The following ORC5 variants were observed in gnomAD, a reference collection of about 807,000 sequenced individuals.
ORC5 encodes protein phosphatase 1, regulatory subunit 117.
ORC5 carries 39 observed loss-of-function variants against 58.8 expected under a neutral mutation model. The observed-to-expected ratio is 0.66, with a 90% CI of 0.51 to 0.87. ORC5 has a LOEUF of 0.87. ORC5 is among the 40% of genes least tolerant of loss of function. ORC5 has a pLI of 0.00. For synonymous variants in ORC5, 218 were observed against 177.6 expected (o/e 1.23, Z -1.81); for missense variants, 493 against 506.3 (o/e 0.97, Z 0.25).
At chr7:104,206,764 A>C (rs1008762595) in intron 1 of ORC5, among the ~76,000 whole-genome samples, 2 of 152,230 alleles carry the variant, frequency 1.3e-5, no homozygotes, top group Non-Finnish European at 2.9e-5. Context: ...TAAGATTATA[A>C]TACCCTATTT....
chr7:104,166,447 C>T (rs1393605083), intron 10 of ORC5, among the ~76,000 whole-genome samples: 1 of 152,220 alleles, frequency 6.6e-6, no homozygotes, highest in Non-Finnish European at 1.5e-5. Context: ...GATAATTATT[C>T]ACTACAGTGA....
In ORC5 at chr7:104,161,092, T is replaced by C; in HGVS notation, c.1129A>G (p.Thr377Ala). 2 of 1,585,788 alleles carry C rather than the reference T, an allele frequency of 1.3e-6. No individual in the cohort carries two copies. The highest frequency in any genetic ancestry group is 8.7e-7 in the Non-Finnish European group (1 of 1,154,812). Residue 377 changes from threonine to alanine, a missense_variant, in exon 12 of 14, where the codon ACA becomes GCA. Thr to Ala is a moderately conservative substitution (Grantham distance 58). Coordinates refer to ENST00000297431, the MANE Select transcript of ORC5 (RefSeq NM_002553.4). ...CTTACCTGGGAAAAAATATTTGCTG[T>C]TGGAGCAACTCTGCTGTCCACGATA... ...YSIVDSRVAPTANIFSQITSL... is the reference protein window; with the variant it reads ...YSIVDSRVAPAANIFSQITSL...
chr7:104,155,695 A>AGCTTTT (rs1798914941), intron 12 of ORC5, among the ~76,000 whole-genome samples: 1 of 151,632 alleles, frequency 6.6e-6, no homozygotes, highest in East Asian at 1.9e-4. Context: ...TCTCTGGGAA[A>AGCTTTT]AAAATAAAGC....
chr7:104,139,912 C>A lies in ORC5; in HGVS notation c.1150-3019G>T, dbSNP rs188033034. ...CAAAACTGAGAGAGGTATTAAAATTCTTTTGTTATCATAGAATCTTTCTGC... is the reference window on the plus strand; with the variant it reads ...CAAAACTGAGAGAGGTATTAAAATTATTTTGTTATCATAGAATCTTTCTGC... On this transcript the variant is annotated intron_variant, in intron 12 of 13. Coordinates refer to ENST00000297431, the MANE Select transcript of ORC5 (RefSeq NM_002553.4). Among the ~76,000 whole-genome samples the A allele has an allele frequency of 1.8e-3, 276 of 151,946 alleles. 1 individual carries two copies. The highest frequency in any genetic ancestry group is 6.3e-3 in the African/African-American group (262 of 41,530).
chr7:104,201,871 T>C (rs1799952529), intron 2 of ORC5, among the ~76,000 whole-genome samples: 1 of 151,936 alleles, frequency 6.6e-6, no homozygotes, highest in South Asian at 2.1e-4. Context: ...GGGAGGATCA[T>C]TTGACCCCTG....
At chr7:104,172,982 T>TAAA (rs57266058) in intron 8 of ORC5, among the ~76,000 whole-genome samples, 3 of 142,926 alleles carry the variant, frequency 2.1e-5, no homozygotes, top group South Asian at 4.5e-4. Context: ...CTTTCCAGGT[T>TAAA]AAAAAAAAAA....
At chr7:104,158,023 T>C (rs1023124082) in intron 12 of ORC5, among the ~76,000 whole-genome samples, 1 of 152,136 alleles carries the variant, frequency 6.6e-6, no homozygotes, top group Non-Finnish European at 1.5e-5. Context: ...TATTTCTCTA[T>C]TTACCCATTT....
chr7:104,139,511 T>C (rs1798640528), intron 12 of ORC5, among the ~76,000 whole-genome samples: 1 of 152,150 alleles, frequency 6.6e-6, no homozygotes. Context: ...TCGATTACTT[T>C]ACTAACAAAT....
At chr7:104,156,910 T>C (rs906269557) in intron 12 of ORC5, among the ~76,000 whole-genome samples, 7 of 151,918 alleles carry the variant, frequency 4.6e-5, no homozygotes, top group Non-Finnish European at 1.0e-4. Context: ...ACAGACAGTA[T>C]TAACAGGTAA....
At position 104,161,143 on chromosome 7, in the gene ORC5, C is replaced by A. The variant is rs1799015704; in HGVS notation, c.1078G>T (p.Asp360Tyr). The change falls in exon 12 of 14, where the codon GAC (aspartate) becomes TAC (tyrosine). Residue 360 changes from aspartate to tyrosine, a missense_variant. Coordinates refer to ENST00000297431, the MANE Select transcript of ORC5 (RefSeq NM_002553.4). ...CTATATAATATTGCTAATAATCTGT[C>A]TAGTGGAAATGGTTTTGGCCCAAGG... ...HLLGPKPFPLDRLLAILYSIV... is the reference protein window; with the variant it reads ...HLLGPKPFPLYRLLAILYSIV... 1 of 1,610,842 alleles carries A rather than the reference C, an allele frequency of 6.2e-7. No homozygotes were observed. Among genetic ancestry groups the A allele is most frequent in the South Asian group, 1.1e-5 (1 of 90,942 alleles).
chr7:104,204,506 T>A (rs373399821), intron 1 of ORC5, among the ~76,000 whole-genome samples: 1 of 152,336 alleles, frequency 6.6e-6, no homozygotes, highest in Non-Finnish European at 1.5e-5. Flanking sequence ...GGTTTACATA[T>A]ACAAACTAGT....
rs1313149228 is a variant in ORC5 at position 104,126,906 on chromosome 7, A to G, written c.1263-13T>C. On this transcript the variant is annotated splice_polypyrimidine_tract_variant and intron_variant, in intron 13 of 13. Transcript: ENST00000297431. ...AAAGTTCACCGTCCTAAAAACAAAA[A>G]CAGATAATATGTTAGCATTCTCACC... 22 of 1,581,280 alleles carry G rather than the reference A, an allele frequency of 1.4e-5. No homozygotes were observed. The highest frequency in any genetic ancestry group is 1.8e-5 in the Non-Finnish European group (21 of 1,151,498).
intron 13 of ORC5, among the ~76,000 whole-genome samples, chr7:104,131,148 C>T (rs766254987): frequency 5.9e-5 from 9 of 152,174 alleles, no homozygotes; most frequent in Admixed American, 1.3e-4. Context: ...CTTCCATTCC[C>T]CATGGCAGCT....
intron 8 of ORC5, among the ~76,000 whole-genome samples, chr7:104,169,560 A>C (rs1799173150): frequency 6.6e-6 from 1 of 152,182 alleles, no homozygotes; most frequent in South Asian, 2.1e-4. Context: ...CACCAACTCT[A>C]AAACTCTCAC....
At chr7:104,130,939 A>G (rs953806918) in intron 13 of ORC5, among the ~76,000 whole-genome samples, 1 of 152,152 alleles carries the variant, frequency 6.6e-6, no homozygotes, top group Non-Finnish European at 1.5e-5. Context: ...TCAAGTGGTT[A>G]CTTGCTGGAA....
At position 104,138,216 on chromosome 7, in the gene ORC5, C is replaced by A. The variant is rs1274720872; in HGVS notation, c.1150-1323G>T. 6.6e-6 allele frequency among the ~76,000 whole-genome samples: 1 copy of A among 152,214 alleles called. No homozygotes were observed. Among genetic ancestry groups the A allele is most frequent in the African/African-American group, 2.4e-5 (1 of 41,456 alleles). ...CCAACCAAGATTCCTAGCTCAACAA[C>A]TGATTCAAACAATCAGTCCCTAAGA... is the stretch of plus-strand genomic sequence containing the variant. On this transcript the variant is annotated intron_variant, in intron 12 of 13. Coordinates refer to ENST00000297431, the MANE Select transcript of ORC5 (RefSeq NM_002553.4). This position sits in a 1 kb window ranked among gnomAD's most constrained non-coding sequence, Gnocchi z 4.7.
chr7:104,127,715 T>C (rs1437734952), intron 13 of ORC5, among the ~76,000 whole-genome samples: 1 of 152,232 alleles, frequency 6.6e-6, no homozygotes, highest in Non-Finnish European at 1.5e-5. Context: ...CCATCATCAA[T>C]TAATGTTTTT....
At chr7:104,183,797 T>A (rs1465418982) in intron 8 of ORC5, 146 bp downstream of exon 8, 24 of 592,134 alleles carry the variant, frequency 4.1e-5, no homozygotes, top group Admixed American at 6.7e-5. Context: ...CAGAGTTTAC[T>A]ACAGCATGTG....
At chr7:104,156,065 T>C (rs1798920539) in intron 12 of ORC5, among the ~76,000 whole-genome samples, 2 of 151,632 alleles carry the variant, frequency 1.3e-5, no homozygotes. Flanking sequence ...TTCTATCTTA[T>C]GATGAGAGCA....
Sources: allele counts gnomAD v4.1 joint callset (sites outside exome capture counted in the v4.1 genomes callset), GRCh38; gene constraint gnomAD v4.1.1; non-coding constraint Gnocchi (gnomAD v3.1); transcripts MANE v1.5; gene names NCBI Gene and HGNC (gene_info 2026-07-23, HGNC 2026-07-21).